The following SYNPR variants were observed in gnomAD, a reference collection of about 807,000 sequenced individuals.
SYNPR encodes the protein synaptoporin.
Under a neutral mutation model 32.9 loss-of-function variants are expected in SYNPR, and 23 were observed. That is an observed-to-expected ratio of 0.70 (90% CI 0.50 to 0.99). SYNPR has a LOEUF of 0.99. Among genes scored for constraint, SYNPR ranks in the 50% least tolerant of loss-of-function variants. The probability of loss-of-function intolerance (pLI) is 0.00; values close to 1 mark genes in which losing one functional copy is unlikely to be tolerated. For missense variants in SYNPR, 318 were observed against 349.3 expected (o/e 0.91, Z 0.71); for synonymous variants, 146 against 135.9 (o/e 1.07, Z -0.52).
chr3:63,408,835 C>T (rs970248243), intron 2 of SYNPR, among the ~76,000 whole-genome samples: 1 of 152,062 alleles, frequency 6.6e-6, no homozygotes, highest in Non-Finnish European at 1.5e-5. Flanking sequence ...AGAAATAATG[C>T]TCTACCGGCT....
intron 2 of SYNPR, among the ~76,000 whole-genome samples, chr3:63,252,947 G>A (rs2086346386): frequency 6.6e-6 from 1 of 151,832 alleles, no homozygotes; most frequent in Admixed American, 6.6e-5. Context: ...GCTGAGGTGG[G>A]AGGATTGCTT....
chr3:63,489,515 A>G (rs896352077), intron 3 of SYNPR, among the ~76,000 whole-genome samples: 1 of 152,108 alleles, frequency 6.6e-6, no homozygotes, highest in African/African-American at 2.4e-5. Flanking sequence ...TTTTTCCTAG[A>G]TCTGTGAATG....
At chr3:63,373,598 A>G (rs1195784105) in intron 2 of SYNPR, among the ~76,000 whole-genome samples, 2 of 152,204 alleles carry the variant, frequency 1.3e-5, no homozygotes, top group African/African-American at 2.4e-5. Context: ...GATCAAATTT[A>G]TGACTCATTG....
At chr3:63,355,836 A>G (rs908695157) in intron 2 of SYNPR, among the ~76,000 whole-genome samples, 3 of 152,158 alleles carry the variant, frequency 2.0e-5, no homozygotes, top group African/African-American at 7.2e-5. Flanking sequence ...GCTGGAAAAT[A>G]ACTTATCAGT....
chr3:63,577,192 G>T (rs543980525), intron 4 of SYNPR, among the ~76,000 whole-genome samples: 1 of 152,280 alleles, frequency 6.6e-6, no homozygotes, highest in East Asian at 1.9e-4. Flanking sequence ...GCATGTGGCT[G>T]GGTAAACGCA....
intron 2 of SYNPR, among the ~76,000 whole-genome samples, chr3:63,343,173 G>A (rs911570628): frequency 6.6e-6 from 1 of 152,168 alleles, no homozygotes; most frequent in Non-Finnish European, 1.5e-5. Context: ...ACAAGGAATT[G>A]AATCTGGAGA....
chr3:63,440,934 A>G (rs1559500045), intron 2 of SYNPR, among the ~76,000 whole-genome samples: 1 of 152,180 alleles, frequency 6.6e-6, no homozygotes, highest in Non-Finnish European at 1.5e-5. Flanking sequence ...AAATCTGCAT[A>G]ATGGGGACAG....
At chr3:63,378,663 T>C (rs1195551178) in intron 2 of SYNPR, among the ~76,000 whole-genome samples, 2 of 152,088 alleles carry the variant, frequency 1.3e-5, no homozygotes, top group Admixed American at 6.6e-5. Context: ...AAAATCTTGC[T>C]GGAGATACGC....
intron 2 of SYNPR, among the ~76,000 whole-genome samples, chr3:63,257,046 G>C (rs893824317): frequency 1.3e-5 from 2 of 152,040 alleles, no homozygotes; most frequent in Non-Finnish European, 2.9e-5. Flanking sequence ...ATGAACAAAG[G>C]CCTCCAAGAA....
chr3:63,403,553 A>G (rs1158381156), intron 2 of SYNPR, among the ~76,000 whole-genome samples: 6 of 152,098 alleles, frequency 3.9e-5, no homozygotes, highest in African/African-American at 1.4e-4. Flanking sequence ...TACCATCCTC[A>G]TTTAACAGAT....
chr3:63,565,711 G>C (rs1006827715), intron 4 of SYNPR, among the ~76,000 whole-genome samples: 2 of 152,142 alleles, frequency 1.3e-5, no homozygotes, highest in Non-Finnish European at 2.9e-5. Flanking sequence ...CCCTTTCAGA[G>C]GATGCTGCAA....
intron 2 of SYNPR, among the ~76,000 whole-genome samples, chr3:63,362,322 T>C (rs962601720): frequency 6.6e-6 from 1 of 152,188 alleles, no homozygotes; most frequent in Admixed American, 6.5e-5. Flanking sequence ...TTTGTTTTTG[T>C]TTTGCTACTG....
At chr3:63,548,976 T>C (rs1702457752) in intron 3 of SYNPR, among the ~76,000 whole-genome samples, 1 of 152,218 alleles carries the variant, frequency 6.6e-6, no homozygotes, top group Admixed American at 6.5e-5. Flanking sequence ...AGTGTGGTGC[T>C]ACCTAAAGAT....
chr3:63,285,030 A>G (rs1289661654), intron 2 of SYNPR, among the ~76,000 whole-genome samples: 1 of 152,032 alleles, frequency 6.6e-6, no homozygotes, highest in Non-Finnish European at 1.5e-5. Context: ...TAAATGCTAC[A>G]CTCCTGCTTT....
the SYNPR span, among the ~76,000 whole-genome samples, chr3:63,211,708 CT>C: frequency 0.3 from 43,877 of 146,780 alleles, 7,264 homozygotes; most frequent in African/African-American, 0.46. Flanking sequence ...TTGAATCTTT[CT>C]TTTTTTTTTT....
intron 5 of SYNPR, among the ~76,000 whole-genome samples, chr3:63,612,404 T>C (rs1227112084): frequency 6.6e-6 from 1 of 152,162 alleles, no homozygotes; most frequent in Non-Finnish European, 1.5e-5. Flanking sequence ...TGAGCACAAA[T>C]AGTTTGGCCA....
At position 63,615,286 on chromosome 3, in the gene SYNPR, C is replaced by G. The variant is rs190213928; in HGVS notation, c.663C>G (p.Thr221=). ...AGNIWFVFKE[T]GWHSSGQRYL... ...ACATATGGTTTGTTTTCAAGGAGAC[C>G]GGCTGGCATTCTTCGGGACAGAGAT... The change falls in exon 6 of 6, where the codon ACC becomes ACG. Residue 221 remains threonine, a synonymous_variant. Coordinates refer to ENST00000478300, the MANE Select transcript of SYNPR (RefSeq NM_001130003.2). 2 of 1,613,718 alleles carry G rather than the reference C, an allele frequency of 1.2e-6. No homozygotes were observed. Among genetic ancestry groups the G allele is most frequent in the Non-Finnish European group, 1.7e-6 (2 of 1,179,796 alleles).
intron 4 of SYNPR, among the ~76,000 whole-genome samples, chr3:63,598,787 G>T (rs1161016688): frequency 6.6e-6 from 1 of 152,134 alleles, no homozygotes; most frequent in Non-Finnish European, 1.5e-5. Context: ...AATAACACAT[G>T]AAAAGTGAGC....
At chr3:63,374,235 G>C (rs955246910) in intron 2 of SYNPR, among the ~76,000 whole-genome samples, 2 of 152,040 alleles carry the variant, frequency 1.3e-5, no homozygotes, top group Non-Finnish European at 1.5e-5. Flanking sequence ...ATTTGTTGAG[G>C]GTTTTTTAAT....
Sources: gnomAD v4.1 joint callset for allele counts (sites outside exome capture counted in the v4.1 genomes callset) on GRCh38, gnomAD v4.1.1 for gene constraint, MANE v1.5 for transcripts, NCBI Gene and HGNC (gene_info 2026-07-23, HGNC 2026-07-21) for gene names.